Variants in CNTNAP5 observed in about 807,000 individuals in gnomAD.
The protein encoded by CNTNAP5 is contactin-associated protein-like 5.
CNTNAP5 carries 72 observed loss-of-function variants against 150.2 expected under a neutral mutation model. The ratio of observed to expected loss-of-function variants is 0.48; its 90% CI spans 0.40 to 0.58. The LOEUF (loss-of-function observed/expected upper bound fraction) is 0.58, where lower values mean the gene tolerates loss of function less well. CNTNAP5 is among the 20% of genes least tolerant of loss of function. CNTNAP5 has a pLI of 0.00. For synonymous variants in CNTNAP5, 672 were observed against 619.8 expected (o/e 1.08, Z -1.25); for missense variants, 1,636 against 1,626.2 (o/e 1.01, Z -0.10).
intron 1 of CNTNAP5, among the ~76,000 whole-genome samples, chr2:124,118,113 T>C (rs918388653): frequency 6.6e-6 from 1 of 152,198 alleles, no homozygotes; most frequent in East Asian, 1.9e-4. Flanking sequence ...AAAATCATTT[T>C]TCTTTCAGTC....
At chr2:124,048,628 T>C (rs1011130007) in intron 1 of CNTNAP5, among the ~76,000 whole-genome samples, 40 of 152,214 alleles carry the variant, frequency 2.6e-4, no homozygotes, top group Non-Finnish European at 4.7e-4. Flanking sequence ...GGAATACAAA[T>C]TCAAAAATGA....
intron 3 of CNTNAP5, among the ~76,000 whole-genome samples, chr2:124,283,073 G>A (rs1277191374): frequency 6.7e-6 from 1 of 150,284 alleles, no homozygotes; most frequent in Non-Finnish European, 1.5e-5. Context: ...CTTTGCTCTT[G>A]GCTGGCTGTC....
At chr2:124,657,429 C>G (rs1372833782) in intron 13 of CNTNAP5, among the ~76,000 whole-genome samples, 1 of 152,040 alleles carries the variant, frequency 6.6e-6, no homozygotes, top group Admixed American at 6.6e-5. Flanking sequence ...AGTATATTCT[C>G]CAGTCTCTTC....
intron 2 of CNTNAP5, 131 bp from the exon 3 acceptor site, chr2:124,242,069 G>A: frequency 7.4e-6 from 5 of 674,952 alleles, no homozygotes; most frequent in Non-Finnish European, 1.3e-5. Flanking sequence ...CAGAGGCAGG[G>A]AAGAGTAGGG....
intron 19 of CNTNAP5, among the ~76,000 whole-genome samples, chr2:124,820,849 G>T (rs1419286367): frequency 6.6e-6 from 1 of 152,174 alleles, no homozygotes; most frequent in Non-Finnish European, 1.5e-5. Flanking sequence ...ACTGGCTGTG[G>T]GTTAGCTTCT....
At chr2:124,365,811 G>A (rs1358869078) in intron 3 of CNTNAP5, among the ~76,000 whole-genome samples, 1 of 152,206 alleles carries the variant, frequency 6.6e-6, no homozygotes, top group East Asian at 1.9e-4. Flanking sequence ...ATGTTAATAA[G>A]TGTATGCTGA....
At chr2:124,608,894 A>C (rs1052154409) in intron 11 of CNTNAP5, among the ~76,000 whole-genome samples, 1 of 152,014 alleles carries the variant, frequency 6.6e-6, no homozygotes, top group African/African-American at 2.4e-5. Flanking sequence ...TAGTGAGCCA[A>C]GATCAAGCCA....
At chr2:124,187,954 T>C (rs1478429201) in intron 1 of CNTNAP5, among the ~76,000 whole-genome samples, 1 of 152,160 alleles carries the variant, frequency 6.6e-6, no homozygotes, top group East Asian at 1.9e-4. Flanking sequence ...TTATGGTTTA[T>C]TGGAGAGATG....
intron 5 of CNTNAP5, among the ~76,000 whole-genome samples, chr2:124,441,118 G>A (rs889960401): frequency 9.2e-5 from 14 of 151,922 alleles, no homozygotes; most frequent in African/African-American, 2.9e-4. Context: ...ACCAAATCAA[G>A]TTTCACTAAA....
Position 124,177,850 on chromosome 2 carries a change from C to CT in CNTNAP5, c.83-43841dup, listed in dbSNP as rs35920642. On this transcript the variant is annotated intron_variant, in intron 1 of 23. Coordinates refer to ENST00000682447, the MANE Select transcript of CNTNAP5 (RefSeq NM_001367498.1). ...TTTTGTTTGTTTTGTTTATGGTTTA[C>CT]TTTTTTTTTTTTTTGAAACAGAGTT... Among the ~76,000 whole-genome samples the CT allele has an allele frequency of 3.3e-3, 474 of 141,684 alleles. 3 individuals are homozygous for CT. The highest frequency in any genetic ancestry group is 8.3e-3 in the African/African-American group (321 of 38,606). 93.0% of individuals were successfully genotyped at this position (141,684 alleles called of 152,430 possible).
chr2:124,174,420 A>G (rs754069884), intron 1 of CNTNAP5, among the ~76,000 whole-genome samples: 2 of 152,212 alleles, frequency 1.3e-5, no homozygotes, highest in Non-Finnish European at 2.9e-5. Flanking sequence ...GTGATTCAAA[A>G]AGGAGGTAAA....
intron 22 of CNTNAP5, among the ~76,000 whole-genome samples, chr2:124,908,094 T>C (rs984658831): frequency 6.6e-6 from 1 of 152,004 alleles, no homozygotes; most frequent in African/African-American, 2.4e-5. Flanking sequence ...GCCATGAGGC[T>C]GGATGCAGTG....
chr2:124,772,321 A>G, intron 16 of CNTNAP5, among the ~76,000 whole-genome samples: 1 of 152,220 alleles, frequency 6.6e-6, no homozygotes, highest in East Asian at 1.9e-4. Context: ...ACAAGGCGAT[A>G]CAACTTTCTG....
chr2:124,173,269 A>G (rs1684979253), intron 1 of CNTNAP5, among the ~76,000 whole-genome samples: 1 of 152,214 alleles, frequency 6.6e-6, no homozygotes, highest in South Asian at 2.1e-4. Context: ...ATAACCATGC[A>G]ATAGCCTCTC....
chr2:124,157,467 C>T (rs758696877), intron 1 of CNTNAP5, among the ~76,000 whole-genome samples: 8 of 152,040 alleles, frequency 5.3e-5, no homozygotes, highest in Non-Finnish European at 1.0e-4. Context: ...CCTAGTTTTC[C>T]CACCTTATGT....
In CNTNAP5 at chr2:124,077,263, C is replaced by T. The variant is rs554057968; in HGVS notation, c.82+51531C>T. ...ACCGTGGATAACATACCTCTAAATA[C>T]GTCTCGGTGTATCCTCCTTAATTTT... is the stretch of plus-strand genomic sequence containing the variant. On this transcript the variant is annotated intron_variant, in intron 1 of 23. Transcript: ENST00000682447. Among the ~76,000 whole-genome samples the T allele has an allele frequency of 8.5e-5, 13 of 152,142 alleles. No homozygotes were observed. In the East Asian group the frequency reaches 1.7e-3, roughly 20 times the overall value.
chr2:124,395,119 A>G (rs1407439240), intron 3 of CNTNAP5, among the ~76,000 whole-genome samples: 1 of 152,224 alleles, frequency 6.6e-6, no homozygotes, highest in Non-Finnish European at 1.5e-5. Context: ...AAGGGAATCT[A>G]TATATAAATA....
chr2:124,247,503 T>C (rs1195918434), intron 3 of CNTNAP5, among the ~76,000 whole-genome samples: 3 of 152,112 alleles, frequency 2.0e-5, no homozygotes, highest in African/African-American at 7.2e-5. Flanking sequence ...CTTAGACTAC[T>C]TGAACCAGAA....
At chr2:124,797,772 A>C (rs1261376974) in intron 18 of CNTNAP5, among the ~76,000 whole-genome samples, 2 of 152,222 alleles carry the variant, frequency 1.3e-5, no homozygotes, top group African/African-American at 4.8e-5. Flanking sequence ...TTTGCTTCTC[A>C]GGAAATTAGC....
Sources: allele counts gnomAD v4.1 joint callset (sites outside exome capture counted in the v4.1 genomes callset), GRCh38; gene constraint gnomAD v4.1.1; transcripts MANE v1.5; gene names NCBI Gene and HGNC (gene_info 2026-07-23, HGNC 2026-07-21).